The following DLC1 variants were observed in gnomAD, a reference collection of about 807,000 sequenced individuals.
DLC1 encodes the protein DLC1 Rho GTPase activating protein.
Under a neutral mutation model 140.3 loss-of-function variants are expected in DLC1, and 54 were observed. The observed-to-expected ratio is 0.38, with a 90% CI of 0.31 to 0.48. DLC1 has a LOEUF of 0.48. DLC1 is among the 20% of genes least tolerant of loss of function. The pLI is 0.96. For missense variants in DLC1, 2,536 were observed against 1,907.0 expected (o/e 1.33, Z -6.14); for synonymous variants, 986 against 728.1 (o/e 1.35, Z -5.70).
intron 5 of DLC1, among the ~76,000 whole-genome samples, chr8:13,288,016 C>G (rs957223724): frequency 6.6e-6 from 1 of 151,872 alleles, no homozygotes; most frequent in Non-Finnish European, 1.5e-5. Context: ...GATTGTGTCA[C>G]TTGTTATGTA....
At chr8:13,573,753 C>T (rs1804745262) in intron 1 of DLC1, among the ~76,000 whole-genome samples, 1 of 152,170 alleles carries the variant, frequency 6.6e-6, no homozygotes, top group South Asian at 2.1e-4. Flanking sequence ...CTCATAACCT[C>T]ACCTTTGCAC....
At chr8:13,165,483 A>G (rs1051819666) in intron 5 of DLC1, among the ~76,000 whole-genome samples, 2 of 152,176 alleles carry the variant, frequency 1.3e-5, no homozygotes, top group Admixed American at 6.5e-5. Context: ...TCCAGACCCA[A>G]AGTTGCAACA....
In DLC1 at chr8:13,291,594, A is replaced by G. The variant is rs140629938; in HGVS notation, c.1348+13675T>C. Among the ~76,000 whole-genome samples the G allele has an allele frequency of 2.7e-3, 413 of 152,340 alleles. 2 individuals are homozygous for G. Among genetic ancestry groups the G allele is most frequent in the African/African-American group, 9.6e-3 (398 of 41,582 alleles). ...TATTTATATGCATTATGTCCATGTC[A>G]CTTATATAGTATAGTAAGTACATAC... is the stretch of plus-strand genomic sequence containing the variant. On this transcript the variant is annotated intron_variant, in intron 5 of 17. Coordinates refer to ENST00000276297, the MANE Select transcript of DLC1 (RefSeq NM_182643.3).
intron 5 of DLC1, among the ~76,000 whole-genome samples, chr8:13,139,470 G>C (rs1822814215): frequency 6.6e-6 from 1 of 152,090 alleles, no homozygotes; most frequent in South Asian, 2.1e-4. Flanking sequence ...AGAAAAGTCA[G>C]GGTATTGGGC....
rs77993013 is a variant in DLC1 at position 13,139,683 on chromosome 8, A to C, written c.1349-24026T>G. 3.7e-3 allele frequency among the ~76,000 whole-genome samples: 562 copies of C among 152,388 alleles called. 1 individual carries two copies. The highest frequency in any genetic ancestry group is 0.013 in the African/African-American group (528 of 41,590). The stretch of plus-strand genomic sequence containing the variant: ...TATTTTATTTAAAGTCATCAGCTCA[A>C]GGCCTCCCTGCCAGAAAATGAACCC... On this transcript the variant is annotated intron_variant, in intron 5 of 17. Transcript: ENST00000276297.
intron 5 of DLC1, among the ~76,000 whole-genome samples, chr8:13,215,813 T>G (rs1274478695): frequency 6.6e-6 from 1 of 152,178 alleles, no homozygotes; most frequent in Non-Finnish European, 1.5e-5. Flanking sequence ...ACTCGTAATC[T>G]TTCGCATTAG....
intron 1 of DLC1, among the ~76,000 whole-genome samples, chr8:13,553,070 A>G (rs1040672315): frequency 4.6e-5 from 7 of 151,218 alleles, no homozygotes; most frequent in Admixed American, 4.6e-4. Flanking sequence ...CATTAATGCA[A>G]TAGTTATCAA....
rs375189613 is a variant in DLC1, at chr8:13,170,010, C to A, written c.1349-54353G>T. Among the ~76,000 whole-genome samples, 146 of 151,860 alleles carry A rather than the reference C, an allele frequency of 9.6e-4. 1 individual carries two copies. The highest frequency in any genetic ancestry group is 3.4e-3 in the African/African-American group (142 of 41,406). On this transcript the variant is annotated intron_variant, in intron 5 of 17. Coordinates refer to ENST00000276297, the MANE Select transcript of DLC1 (RefSeq NM_182643.3). Reference sequence around the variant, plus strand: ...ACTCCAGCCTGGCAACAGAGCAAGACCTTGTCTCAAAAAAATAAAAAAATA... The same window carrying A: ...ACTCCAGCCTGGCAACAGAGCAAGAACTTGTCTCAAAAAAATAAAAAAATA...
intron 1 of DLC1, among the ~76,000 whole-genome samples, chr8:13,530,833 A>G (rs900148415): frequency 4.6e-5 from 7 of 152,244 alleles, no homozygotes; most frequent in Non-Finnish European, 1.0e-4. Flanking sequence ...GTCATGAAAT[A>G]CAGCTTACGT....
chr8:13,099,527 A>G lies in DLC1; in HGVS notation c.2810T>C (p.Leu937Pro), dbSNP rs759706273. The G allele has an allele frequency of 1.1e-5, 18 of 1,614,086 alleles. No homozygotes were observed. The East Asian group carries it at 2.9e-4, about 26-fold the overall frequency. The change falls in exon 9 of 18, where the codon CTG (leucine) becomes CCG (proline). Residue 937 changes from leucine (L) to proline (P), a missense_variant. Physicochemically the swap from Leu to Pro is moderately conservative, Grantham distance 98. Transcript: ENST00000276297. ...GGACGGGCAGGGAGAGACCGAGTCC[A>G]GGGCTGAGTCCGAATCTCCCTCATC... The part of the protein sequence containing the change: ...FSDEGDSDSA[L>P]DSVSPCPSSP...
At chr8:13,099,166 A>G (rs1818759732) in intron 9 of DLC1, among the ~76,000 whole-genome samples, 181 bp downstream of exon 9, 1 of 152,042 alleles carries the variant, frequency 6.6e-6, no homozygotes, top group Non-Finnish European at 1.5e-5. Flanking sequence ...CCGGAACTCT[A>G]TACCCATTCA....
intron 5 of DLC1, among the ~76,000 whole-genome samples, chr8:13,141,306 A>G (rs1368461290): frequency 6.6e-6 from 1 of 150,618 alleles, no homozygotes; most frequent in Non-Finnish European, 1.5e-5. Context: ...AAAAGCTAGC[A>G]GAGATCTAAG....
intron 1 of DLC1, among the ~76,000 whole-genome samples, chr8:13,545,517 A>G (rs17094584): frequency 0.015 from 2,326 of 152,082 alleles, 79 homozygotes; most frequent in East Asian, 0.14. Context: ...GATGCATTGT[A>G]TGACAAGGTT....
chr8:13,561,301 A>G (rs1804234830), intron 1 of DLC1, among the ~76,000 whole-genome samples: 1 of 152,032 alleles, frequency 6.6e-6, no homozygotes, highest in African/African-American at 2.4e-5. Flanking sequence ...ATGCAACTAC[A>G]GCCACACCTG....
intron 5 of DLC1, among the ~76,000 whole-genome samples, chr8:13,188,801 G>GTGTATATATATATATATATA (rs1293675412): frequency 5.6e-5 from 4 of 71,882 alleles, no homozygotes; most frequent in Non-Finnish European, 9.7e-5. Flanking sequence ...GTGTGTGTGT[G>GTGTATATATATATATATATA]TATATATATA....
intron 4 of DLC1, among the ~76,000 whole-genome samples, chr8:13,326,826 A>G (rs1334523313): frequency 6.6e-6 from 1 of 152,218 alleles, no homozygotes; most frequent in Non-Finnish European, 1.5e-5. Context: ...TAGGAATCAT[A>G]TTTTGAGAAG....
intron 1 of DLC1, among the ~76,000 whole-genome samples, chr8:13,578,896 G>C (rs1215301044): frequency 6.6e-6 from 1 of 151,902 alleles, no homozygotes; most frequent in Non-Finnish European, 1.5e-5. Context: ...GGCCATTGCT[G>C]ACTGACTCAA....
At chr8:13,096,940 T>C (rs567463853) in intron 10 of DLC1, among the ~76,000 whole-genome samples, 2 of 152,148 alleles carry the variant, frequency 1.3e-5, no homozygotes, top group Non-Finnish European at 2.9e-5. Flanking sequence ...TGCACTGAGA[T>C]GTCAATCTAG....
chr8:13,423,135 A>T (rs2117354938), intron 2 of DLC1, among the ~76,000 whole-genome samples: 1 of 152,296 alleles, frequency 6.6e-6, no homozygotes, highest in South Asian at 2.1e-4. Context: ...TGATTTTTGC[A>T]GGTTTGCCTT....
Sources: gnomAD v4.1 joint callset for allele counts (sites outside exome capture counted in the v4.1 genomes callset) on GRCh38, gnomAD v4.1.1 for gene constraint, MANE v1.5 for transcripts, NCBI Gene and HGNC (gene_info 2026-07-23, HGNC 2026-07-21) for gene names.